The following BRD3 variants were observed in gnomAD, a reference collection of about 807,000 sequenced individuals.
BRD3 encodes the protein bromodomain-containing protein 3.
A neutral mutation model predicts 66.8 loss-of-function variants in BRD3; 17 were observed. The ratio of observed to expected loss-of-function variants is 0.25; its 90% CI spans 0.17 to 0.38. The LOEUF (loss-of-function observed/expected upper bound fraction) is 0.38. BRD3 is among the 10% of genes least tolerant of loss of function. The probability of loss-of-function intolerance (pLI) is 1.00; values close to 1 mark genes in which losing one functional copy is unlikely to be tolerated. For synonymous variants in BRD3, 421 were observed against 393.2 expected (o/e 1.07, Z -0.84); for missense variants, 713 against 956.1 (o/e 0.75, Z 3.35).
At chr9:134,061,730 G>A (rs1484211417) in intron 1 of BRD3, among the ~76,000 whole-genome samples, 2 of 152,186 alleles carry the variant, frequency 1.3e-5, no homozygotes, top group East Asian at 3.9e-4. Flanking sequence ...GAGGTGAAGG[G>A]GCACAACGTC....
chr9:134,037,936 C>T (rs1448404813), intron 9 of BRD3, among the ~76,000 whole-genome samples: 6 of 152,300 alleles, frequency 3.9e-5, no homozygotes, highest in South Asian at 2.1e-4. Context: ...GGATTAACGC[C>T]TTAGGCATAA....
intron 9 of BRD3, among the ~76,000 whole-genome samples, chr9:134,039,499 C>G (rs891168052): frequency 5.1e-4 from 78 of 152,330 alleles, no homozygotes; most frequent in African/African-American, 1.8e-3. Flanking sequence ...GTTGCCTCCC[C>G]CTTGGGAAGC....
intron 8 of BRD3, among the ~76,000 whole-genome samples, chr9:134,041,001 CG>C (rs1317864709): frequency 6.6e-6 from 1 of 152,164 alleles, no homozygotes; most frequent in African/African-American, 2.4e-5. Flanking sequence ...AGACAGAGGG[CG>C]GGTGGAGGAG....
intron 9 of BRD3, chr9:134,036,729 C>T: frequency 3.6e-6 from 3 of 844,132 alleles, no homozygotes; most frequent in South Asian, 3.1e-5. Context: ...CGGTCTAGGG[C>T]CGGGCGCGGT....
At chr9:134,035,287 G>A (rs764669524) in intron 10 of BRD3, among the ~76,000 whole-genome samples, 7 of 152,282 alleles carry the variant, frequency 4.6e-5, no homozygotes, top group Non-Finnish European at 7.4e-5. Context: ...GTGACTTACC[G>A]TGGGTCAGAC....
At chr9:134,037,562 C>A (rs938041567) in intron 9 of BRD3, among the ~76,000 whole-genome samples, 1 of 152,070 alleles carries the variant, frequency 6.6e-6, no homozygotes, top group East Asian at 1.9e-4. Flanking sequence ...CACAGCCAGA[C>A]TCCTTCTCAA....
intron 1 of BRD3, chr9:134,056,951 C>G (rs1241218125): frequency 6.6e-6 from 1 of 152,362 alleles, no homozygotes; most frequent in Admixed American, 6.5e-5. Flanking sequence ...CTCAGTGTCT[C>G]AACTGTCCAG....
chr9:134,060,307 A>C (rs911622303), intron 1 of BRD3, among the ~76,000 whole-genome samples: 3 of 152,184 alleles, frequency 2.0e-5, no homozygotes, highest in African/African-American at 7.2e-5. Context: ...ATCCTCAAGA[A>C]AGACCCAGGC....
intron 7 of BRD3, among the ~76,000 whole-genome samples, chr9:134,043,381 G>A (rs796376672): frequency 3.9e-5 from 6 of 152,348 alleles, no homozygotes; most frequent in African/African-American, 1.4e-4. Flanking sequence ...CTGAAGACAG[G>A]GAGGCACAGT....
rs1843506470 is a variant in BRD3, at chr9:134,031,201, C to G, written c.*2389G>C. 4.5e-6 allele frequency: 1 copy of G among 221,096 alleles called. No homozygotes were observed. The highest frequency in any genetic ancestry group is 5.8e-5 in the Admixed American group (1 of 17,356). The allele number at this position is 221,096 out of a possible 1,614,324, so 13.7% of individuals were successfully genotyped here. On this transcript the variant is annotated 3_prime_UTR_variant, in exon 12 of 12. Transcript: ENST00000303407. Reference sequence around the variant, plus strand: ...CAGAGGCGAGCCGACGCCACCGTCACAGAGAACCAGCCGAGAAGGAAAGGC... The same window carrying G: ...CAGAGGCGAGCCGACGCCACCGTCAGAGAGAACCAGCCGAGAAGGAAAGGC...
intron 9 of BRD3, among the ~76,000 whole-genome samples, chr9:134,038,218 G>A (rs1829969503): frequency 6.6e-6 from 1 of 151,128 alleles, no homozygotes; most frequent in South Asian, 2.1e-4. Flanking sequence ...GCAGTGGTGT[G>A]ATCTCGGCTC....
At chr9:134,034,870 C>A (rs759836434) in intron 10 of BRD3, 41 bp from the exon 11 acceptor site, 17 of 1,607,156 alleles carry the variant, frequency 1.1e-5, no homozygotes, top group Non-Finnish European at 1.4e-5. Context: ...CAGAGCAGAC[C>A]GATGGGGCAG....
At chr9:134,053,800 C>G (rs919467570) in intron 1 of BRD3, 2 of 354,526 alleles carry the variant, frequency 5.6e-6, no homozygotes, top group African/African-American at 4.2e-5. Context: ...TCTCCAACCA[C>G]TGCTCTCAGG....
chr9:134,050,667 C>T, intron 4 of BRD3, 79 bp from the exon 5 acceptor site: 1 of 1,206,076 alleles, frequency 8.3e-7, no homozygotes, highest in Non-Finnish European at 1.2e-6. Flanking sequence ...CCCCTCCAGC[C>T]AGAACACGGG....
Position 134,033,655 on chromosome 9 carries a change from T to A in BRD3, c.2116A>T (p.Ser706Cys). The change falls in exon 12 of 12, where the codon AGC (serine) becomes TGC (cysteine). Residue 706 changes from serine to cysteine, a missense_variant. Physicochemically the swap from Ser to Cys is moderately radical, Grantham distance 112 (BLOSUM62 -1). Coordinates refer to ENST00000303407, the MANE Select transcript of BRD3 (RefSeq NM_007371.4). The surrounding 1 kb of genome is among the most constrained non-coding windows in gnomAD (Gnocchi z 5.1). ...SGGPSRLSSS[S>C]SSESGSSSSS... ...CTGCTGCTCCCAGACTCGGAGGAGC[T>A]GCTGCTGCTGAGCCTGGACGGGCCC... 1 of 767,816 alleles carries A rather than the reference T, an allele frequency of 1.3e-6. No homozygotes were observed. Among genetic ancestry groups the A allele is most frequent in the Non-Finnish European group, 2.4e-6 (1 of 412,640 alleles). The allele number at this position is 767,816 out of a possible 1,614,324, so 47.6% of individuals were successfully genotyped here.
chr9:134,037,957 C>T (rs1829962031), intron 9 of BRD3, among the ~76,000 whole-genome samples: 1 of 152,164 alleles, frequency 6.6e-6, no homozygotes, highest in South Asian at 2.1e-4. Context: ...ACCTCTAAAA[C>T]TCACTCAAGA....
At chr9:134,066,238 AAG>A (rs1359208955) in intron 1 of BRD3, among the ~76,000 whole-genome samples, 11 of 152,148 alleles carry the variant, frequency 7.2e-5, no homozygotes, top group Non-Finnish European at 1.6e-4. Context: ...GAAGGTCAGA[AAG>A]AAATGCCCCT....
rs116042990 is a variant in BRD3, at chr9:134,060,172, C to T, written c.-113-6582G>A. ...CCACCCTTGCCAGTCGGGTAAAAGT[C>T]GGAGTGAGCAGGCAGCCTGCCTTAG... On this transcript the variant is annotated intron_variant, in intron 1 of 11. Coordinates refer to ENST00000303407, the MANE Select transcript of BRD3 (RefSeq NM_007371.4). Among the ~76,000 whole-genome samples, 1,107 of 152,324 alleles carry T rather than the reference C, an allele frequency of 7.3e-3. 15 individuals are homozygous for T. Among genetic ancestry groups the T allele is most frequent in the African/African-American group, 0.025 (1,051 of 41,576 alleles).
chr9:134,050,509 C>T lies in BRD3; in HGVS notation c.579G>A (p.Thr193=), dbSNP rs753201321. ...FQSVPPTVSQ[T]PVIAATPVPT... is the part of the protein sequence containing the mutation. ...GTACAGGGGTGGCAGCGATGACGGG[C>T]GTCTGGGAGACGGTGGGGGGCACGC... Residue 193 remains threonine, a synonymous_variant, in exon 5 of 12, where the codon ACG becomes ACA. Coordinates refer to ENST00000303407, the MANE Select transcript of BRD3 (RefSeq NM_007371.4). 30 of 1,605,264 alleles carry T rather than the reference C, an allele frequency of 1.9e-5. No individual in the cohort carries two copies. The highest frequency in any genetic ancestry group is 5.1e-5 in the Admixed American group (3 of 59,378).
Sources: gnomAD v4.1 joint callset for allele counts (sites outside exome capture counted in the v4.1 genomes callset) on GRCh38, gnomAD v4.1.1 for gene constraint, Gnocchi (gnomAD v3.1) non-coding constraint, MANE v1.5 for transcripts, NCBI Gene and HGNC (gene_info 2026-07-23, HGNC 2026-07-21) for gene names.